CFAP54: variants seen among roughly 807,000 people sequenced by gnomAD.
CFAP54 encodes the protein cilia- and flagella-associated protein 54.
Under a neutral mutation model 370.4 loss-of-function variants are expected in CFAP54, and 290 were observed. The ratio of observed to expected loss-of-function variants is 0.78; its 90% CI spans 0.71 to 0.86. CFAP54 has a LOEUF of 0.86. CFAP54 is among the 40% of genes least tolerant of loss of function. CFAP54 has a pLI of 0.00. For missense variants in CFAP54, 3,399 were observed against 3,528.7 expected (o/e 0.96, Z 0.93); for synonymous variants, 1,206 against 1,236.5 (o/e 0.98, Z 0.52).
At chr12:96,811,447 T>C (rs1169941413) in intron 63 of CFAP54, among the ~76,000 whole-genome samples, 11 of 152,192 alleles carry the variant, frequency 7.2e-5, no homozygotes, top group Admixed American at 7.2e-4. Flanking sequence ...TAATACTTAC[T>C]GTAGAGGGCC....
chr12:96,534,881 A>G (rs1029377184), intron 11 of CFAP54, among the ~76,000 whole-genome samples: 6 of 151,964 alleles, frequency 3.9e-5, no homozygotes, highest in African/African-American at 1.5e-4. Flanking sequence ...ACCATATTTT[A>G]TGTGCACTTT....
chr12:96,514,564 A>G (rs533246457), intron 5 of CFAP54, among the ~76,000 whole-genome samples: 134 of 152,360 alleles, frequency 8.8e-4, no homozygotes, highest in Non-Finnish European at 1.5e-3. Flanking sequence ...AACAACAAAC[A>G]TGGCTTCACA....
chr12:96,743,732 A>C lies in CFAP54; in HGVS notation c.7379A>C (p.Asp2460Ala). The change falls in exon 54 of 68, where the codon GAT becomes GCT. Residue 2460 changes from aspartate (D) to alanine (A), a missense_variant and splice_region_variant. Physicochemically the swap from Asp to Ala is moderately radical, Grantham distance 126. This residue lies in a region of CFAP54 where 2,796 missense variants were observed against 2,869.7 expected (regional missense o/e 0.97). Coordinates refer to ENST00000524981, the MANE Select transcript of CFAP54 (RefSeq NM_001306084.2). ...LKADIMTNLQDIIHLLEGNEF... is the reference protein window; with the variant it reads ...LKADIMTNLQAIIHLLEGNEF... The stretch of plus-strand genomic sequence containing the variant: ...AAATGAATAATTTTATTTTAATAGG[A>C]TATAATACATTTGCTGGAAGGAAAT... 2.5e-6 allele frequency: 4 copies of C among 1,599,030 alleles called. No homozygotes were observed. The highest frequency in any genetic ancestry group is 3.4e-6 in the Non-Finnish European group (4 of 1,172,846).
At chr12:96,534,622 C>G (rs1955482546) in intron 11 of CFAP54, among the ~76,000 whole-genome samples, 1 of 152,174 alleles carries the variant, frequency 6.6e-6, no homozygotes, top group South Asian at 2.1e-4. Context: ...TCTCCTGTCT[C>G]TTTCCAGCTT....
intron 5 of CFAP54, among the ~76,000 whole-genome samples, chr12:96,518,326 T>G (rs1955263218): frequency 1.3e-5 from 2 of 152,234 alleles, no homozygotes; most frequent in Admixed American, 1.3e-4. Flanking sequence ...ATTGTATCAT[T>G]GGAGTTAATT....
intron 31 of CFAP54, among the ~76,000 whole-genome samples, 168 bp from the exon 32 acceptor site, chr12:96,630,383 A>AT (rs35864481): frequency 4.6e-5 from 7 of 151,668 alleles, no homozygotes; most frequent in South Asian, 4.2e-4. Flanking sequence ...TTATAATCAG[A>AT]TTTTTTTTGT....
chr12:96,501,258 AC>A (rs1955023210), intron 2 of CFAP54: 2 of 181,748 alleles, frequency 1.1e-5, no homozygotes, highest in Admixed American at 6.0e-5. Context: ...CCTACCTTAT[AC>A]AAAGGAGCCC....
At chr12:96,608,340 CACACACATACAT>C (rs1956322484) in intron 26 of CFAP54, among the ~76,000 whole-genome samples, 1 of 151,538 alleles carries the variant, frequency 6.6e-6, no homozygotes, top group African/African-American at 2.4e-5. Flanking sequence ...CACACATACG[CACACACATACAT>C]ATAAAATTAT....
At chr12:96,784,378 T>C (rs1446190384) in intron 60 of CFAP54, among the ~76,000 whole-genome samples, 1 of 152,190 alleles carries the variant, frequency 6.6e-6, no homozygotes, top group Admixed American at 6.5e-5. Context: ...CACTTGGGTT[T>C]ACTTTTCTAT....
chr12:96,853,740 G>A (rs960601169), intron 66 of CFAP54, among the ~76,000 whole-genome samples: 7 of 152,048 alleles, frequency 4.6e-5, no homozygotes, highest in African/African-American at 1.4e-4. Flanking sequence ...TGACATTTTA[G>A]GGTAGTTTGT....
intron 66 of CFAP54, among the ~76,000 whole-genome samples, chr12:96,857,712 C>T (rs1012891904): frequency 6.6e-6 from 1 of 152,128 alleles, no homozygotes; most frequent in Non-Finnish European, 1.5e-5. Context: ...CTCATGAGAT[C>T]TGATAGTTTA....
intron 60 of CFAP54, among the ~76,000 whole-genome samples, chr12:96,775,101 AGTGTAAAT>A (rs1958502917): frequency 6.6e-6 from 1 of 152,178 alleles, no homozygotes; most frequent in African/African-American, 2.4e-5. Flanking sequence ...CCATAGTCAC[AGTGTAAAT>A]GAATGAGCAT....
chr12:96,803,973 A>C (rs982286739), intron 63 of CFAP54, among the ~76,000 whole-genome samples: 5 of 152,154 alleles, frequency 3.3e-5, no homozygotes, highest in African/African-American at 1.2e-4. Context: ...AAAAATCTGA[A>C]AACCAATACA....
chr12:96,517,893 G>A (rs1955255698), intron 5 of CFAP54, among the ~76,000 whole-genome samples: 1 of 152,208 alleles, frequency 6.6e-6, no homozygotes, highest in Non-Finnish European at 1.5e-5. Flanking sequence ...GAGAGGGCAG[G>A]CTACATAAAT....
intron 4 of CFAP54, among the ~76,000 whole-genome samples, chr12:96,508,156 G>C (rs1402839498): frequency 1.6e-5 from 2 of 121,602 alleles, no homozygotes; most frequent in Non-Finnish European, 3.3e-5. Context: ...GTCTGAGACA[G>C]GGTCTCACTT....
chr12:96,585,153 T>G (rs1188531721), intron 22 of CFAP54, among the ~76,000 whole-genome samples: 1 of 152,032 alleles, frequency 6.6e-6, no homozygotes, highest in Non-Finnish European at 1.5e-5. Context: ...TTTTGACTTC[T>G]TTTTATTATT....
intron 65 of CFAP54, among the ~76,000 whole-genome samples, chr12:96,826,965 A>G (rs1236016443): frequency 7.7e-6 from 1 of 129,546 alleles, no homozygotes; most frequent in Non-Finnish European, 1.5e-5. Context: ...ATAATATGCA[A>G]TTATATATGA....
intron 66 of CFAP54, among the ~76,000 whole-genome samples, chr12:96,841,880 G>A (rs192001371): frequency 1.4e-4 from 21 of 152,292 alleles, no homozygotes; most frequent in African/African-American, 2.9e-4. Context: ...TTCCCTAGGC[G>A]TCACTTCCTT....
At chr12:96,504,078 C>T in intron 3 of CFAP54, 49 bp downstream of exon 3, 1 of 1,433,558 alleles carries the variant, frequency 7.0e-7, no homozygotes, top group Non-Finnish European at 9.1e-7. Context: ...ATTAGCTATA[C>T]AATGTATCTT....
Sources: allele counts gnomAD v4.1 joint callset (sites outside exome capture counted in the v4.1 genomes callset), GRCh38; gene constraint gnomAD v4.1.1; regional missense constraint gnomAD v4.1.1; transcripts MANE v1.5; gene names NCBI Gene and HGNC (gene_info 2026-07-23, HGNC 2026-07-21).